HECW2: variants seen among roughly 807,000 people sequenced by gnomAD.
HECW2 encodes the protein E3 ubiquitin-protein ligase HECW2.
A neutral mutation model predicts 175.2 loss-of-function variants in HECW2; 61 were observed. The observed-to-expected ratio is 0.35, with a 90% CI of 0.28 to 0.43. The LOEUF (loss-of-function observed/expected upper bound fraction) is 0.43, where lower values mean the gene tolerates loss of function less well. Ranked by LOEUF, HECW2 falls within the 20% of genes least tolerant of loss-of-function variation. The probability of loss-of-function intolerance (pLI) is 1.00; values close to 1 mark genes in which losing one functional copy is unlikely to be tolerated. For synonymous variants in HECW2, 671 were observed against 731.0 expected, an observed-to-expected ratio of 0.92 and a Z score of 1.32; for missense variants, 1,524 against 2,000.5, an observed-to-expected ratio of 0.76 and a Z score of 4.54.
At chr2:196,306,407 T>C in intron 13 of HECW2, 81 bp downstream of exon 13, 1 of 1,360,792 alleles carries the variant, frequency 7.3e-7, no homozygotes, top group Non-Finnish European at 1.0e-6. Context: ...GCCATTATCA[T>C]TCCTGCTATT....
rs913369489 is a variant in HECW2 at position 196,292,848 on chromosome 2, T to C, written c.2815-98A>G. On this transcript the variant is annotated intron_variant, in intron 13 of 28. Coordinates refer to ENST00000644978, the MANE Select transcript of HECW2 (RefSeq NM_001348768.2). Reference sequence around the variant, plus strand: ...GTATGGCTAATCTTCCAATAAGTAATGAAATGCATATATAAGCTTTGACAG... The same window carrying C: ...GTATGGCTAATCTTCCAATAAGTAACGAAATGCATATATAAGCTTTGACAG... The C allele has an allele frequency of 1.1e-5, 10 of 904,444 alleles. No individual in the cohort carries two copies. In the African/African-American group the frequency reaches 1.3e-4, roughly 12 times the overall value. The allele number at this position is 904,444 out of a possible 1,614,324, so 56.0% of individuals were successfully genotyped here. A position where few individuals can be genotyped will look rare whatever the true frequency, so the allele number is the denominator to read the frequency against.
intron 2 of HECW2, among the ~76,000 whole-genome samples, chr2:196,347,001 C>A (rs1447928331): frequency 3.3e-5 from 2 of 60,154 alleles, no homozygotes; most frequent in Non-Finnish European, 6.9e-5. Flanking sequence ...GAGTGAGACT[C>A]CGTCTCAAAA....
At chr2:196,375,469 C>T (rs2105910865) in intron 2 of HECW2, among the ~76,000 whole-genome samples, 1 of 152,308 alleles carries the variant, frequency 6.6e-6, no homozygotes, top group African/African-American at 2.4e-5. Flanking sequence ...ATAGATTCTA[C>T]TTTTACTTTT....
chr2:196,409,274 C>T (rs1163348360), intron 2 of HECW2, among the ~76,000 whole-genome samples: 1 of 152,170 alleles, frequency 6.6e-6, no homozygotes, highest in Non-Finnish European at 1.5e-5. Flanking sequence ...CTAATATTCC[C>T]ATTAACTGAC....
chr2:196,344,553 G>A (rs1263775394), intron 2 of HECW2, among the ~76,000 whole-genome samples: 11 of 151,950 alleles, frequency 7.2e-5, no homozygotes, highest in Non-Finnish European at 1.6e-4. Flanking sequence ...TCTGCCCCCA[G>A]CACCCTGAGG....
At chr2:196,470,030 A>G (rs1697131054) in intron 1 of HECW2, among the ~76,000 whole-genome samples, 1 of 152,136 alleles carries the variant, frequency 6.6e-6, no homozygotes. Context: ...TATAAAAATA[A>G]TATACATATT....
intron 1 of HECW2, among the ~76,000 whole-genome samples, chr2:196,464,910 C>T (rs58749701): frequency 0.054 from 8,142 of 152,090 alleles, 725 homozygotes; most frequent in African/African-American, 0.18. Flanking sequence ...GGAATGGTGG[C>T]GCACACCTAT....
chr2:196,477,270 A>G (rs1559134881), intron 1 of HECW2, among the ~76,000 whole-genome samples: 2 of 152,148 alleles, frequency 1.3e-5, no homozygotes, highest in African/African-American at 4.8e-5. Context: ...TGTAATGAAT[A>G]TTTTTCCAGC....
chr2:196,208,841 T>TG (rs1031239755), intron 28 of HECW2, among the ~76,000 whole-genome samples: 1 of 152,032 alleles, frequency 6.6e-6, no homozygotes, highest in Non-Finnish European at 1.5e-5. Flanking sequence ...AGGAAGTCCT[T>TG]GGGAAGGAGT....
rs1371848681 is a variant in HECW2, at chr2:196,318,669, C to T, written c.2221G>A (p.Gly741Arg). 6.2e-7 allele frequency: 1 copy of T among 1,600,200 alleles called. No individual in the cohort carries two copies. Residue 741 changes from glycine to arginine, a missense_variant, in exon 9 of 29, where the codon GGG becomes AGG. Coordinates refer to ENST00000644978, the MANE Select transcript of HECW2 (RefSeq NM_001348768.2). The stretch of plus-strand genomic sequence containing the variant: ...GCAGCTGCAGCTCCCTCCAGGCTCC[C>T]CCTCCGCTGCCAGACCTCCCCCAGC... Reference protein sequence around the residue: ...EELGEVWQRRGSLEGAAAAAE... With the variant: ...EELGEVWQRRRSLEGAAAAAE...
rs1355664756 is a variant in HECW2, at chr2:196,319,664, G to A, written c.1226C>T (p.Pro409Leu). 1 of 1,614,074 alleles carries A rather than the reference G, an allele frequency of 6.2e-7. No individual in the cohort carries two copies. Among genetic ancestry groups the A allele is most frequent in the Non-Finnish European group, 8.5e-7 (1 of 1,180,044 alleles). Reference sequence around the variant, plus strand: ...ATTGAGTGAATCCTGACGTCCTCTGGGAGGTGAGGTCCTTGAAGACGTAGA... The same window carrying A: ...ATTGAGTGAATCCTGACGTCCTCTGAGAGGTGAGGTCCTTGAAGACGTAGA... ...LTSTSSRTSP[P>L]RGRQDSLNDY... Residue 409 changes from proline to leucine, a missense_variant, in exon 9 of 29, where the codon CCC (proline) becomes CTC (leucine). This residue lies in a region of HECW2 where 604 missense variants were observed against 588.3 expected (regional missense o/e 1.03). Coordinates refer to ENST00000644978, the MANE Select transcript of HECW2 (RefSeq NM_001348768.2).
At chr2:196,581,057 T>G (rs1240292824) in intron 1 of HECW2, among the ~76,000 whole-genome samples, 1 of 152,224 alleles carries the variant, frequency 6.6e-6, no homozygotes, top group Non-Finnish European at 1.5e-5. Context: ...GACTTCATAT[T>G]ATATGATTTC....
At chr2:196,554,493 T>G (rs1034689075) in intron 1 of HECW2, among the ~76,000 whole-genome samples, 1 of 152,124 alleles carries the variant, frequency 6.6e-6, no homozygotes, top group Non-Finnish European at 1.5e-5. Flanking sequence ...TTAGTAAAAC[T>G]AAAACTCAGT....
chr2:196,528,123 T>A (rs1471890444), intron 1 of HECW2, among the ~76,000 whole-genome samples: 1 of 152,198 alleles, frequency 6.6e-6, no homozygotes, highest in Non-Finnish European at 1.5e-5. Flanking sequence ...GTAACTTTGA[T>A]TAGAGTTCCC....
chr2:196,381,850 T>C (rs1205583585), intron 2 of HECW2, among the ~76,000 whole-genome samples: 4 of 152,180 alleles, frequency 2.6e-5, no homozygotes, highest in Non-Finnish European at 5.9e-5. Flanking sequence ...AAACGTAATA[T>C]TAAGCAAGAC....
rs184560016 is a variant in HECW2 at position 196,520,854 on chromosome 2, C to A, written c.-36+72654G>T. Among the ~76,000 whole-genome samples the A allele has an allele frequency of 1.8e-3, 268 of 152,110 alleles. 3 individuals are homozygous for A. Among genetic ancestry groups the A allele is most frequent in the Admixed American group, 4.0e-3 (61 of 15,282 alleles). The stretch of plus-strand genomic sequence containing the variant: ...AATGCTCAGTTCACACAGAAGGACA[C>A]GCAAGAAGAATAACTCACCACGTAT... On this transcript the variant is annotated intron_variant, in intron 1 of 28. Transcript: ENST00000644978.
intron 2 of HECW2, among the ~76,000 whole-genome samples, chr2:196,383,306 G>C (rs756391468): frequency 1.3e-5 from 2 of 152,186 alleles, no homozygotes; most frequent in Non-Finnish European, 1.5e-5. Context: ...AATCCAGGTG[G>C]AGATGCCAAG....
intron 2 of HECW2, among the ~76,000 whole-genome samples, chr2:196,378,886 C>A (rs865776134): frequency 1.2e-4 from 18 of 152,278 alleles, no homozygotes; most frequent in Admixed American, 2.0e-4. Context: ...TCAATCTTAG[C>A]ATCACGAAGA....
intron 2 of HECW2, among the ~76,000 whole-genome samples, chr2:196,416,965 G>A (rs557852886): frequency 5.9e-5 from 9 of 152,298 alleles, no homozygotes; most frequent in African/African-American, 2.2e-4. Context: ...TCACCTTCAG[G>A]AAGTGGCTTT....
Sources: allele counts gnomAD v4.1 joint callset (sites outside exome capture counted in the v4.1 genomes callset), GRCh38; gene constraint gnomAD v4.1.1; regional missense constraint gnomAD v4.1.1; transcripts MANE v1.5; gene names NCBI Gene and HGNC (gene_info 2026-07-23, HGNC 2026-07-21).